PCDHGA7: variants seen among roughly 807,000 people sequenced by gnomAD.
PCDHGA7 encodes protocadherin gamma-A7.
Under a neutral mutation model 58.3 loss-of-function variants are expected in PCDHGA7, and 44 were observed. That is an observed-to-expected ratio of 0.75 (90% confidence interval 0.59 to 0.97). PCDHGA7 has a LOEUF of 0.97. PCDHGA7 is among the 50% of genes least tolerant of loss of function. PCDHGA7 has a pLI of 0.00. For missense variants in PCDHGA7, 1,266 were observed against 1,188.7 expected, an observed-to-expected ratio of 1.06 and a Z score of -0.96; for synonymous variants, 516 against 504.2, an observed-to-expected ratio of 1.02 and a Z score of -0.31.
chr5:141,408,153 C>T, intron 1 of PCDHGA7: 4 of 1,509,360 alleles, frequency 2.7e-6, no homozygotes, highest in Non-Finnish European at 3.6e-6. Context: ...CGGTAGAGTG[C>T]ACTTTCTCCA....
intron 1 of PCDHGA7, among the ~76,000 whole-genome samples, chr5:141,424,979 T>G (rs565208060): frequency 1.4e-4 from 22 of 152,322 alleles, no homozygotes; most frequent in African/African-American, 4.6e-4. Flanking sequence ...CTTGGATATT[T>G]ATGTTCCCTT....
At chr5:141,419,781 G>C (rs1331740421) in intron 1 of PCDHGA7, 1 of 1,614,032 alleles carries the variant, frequency 6.2e-7, no homozygotes. Context: ...GTCCGCCAGC[G>C]CCTGCTAGTC....
intron 1 of PCDHGA7, among the ~76,000 whole-genome samples, chr5:141,454,062 A>T (rs548960162): frequency 6.6e-6 from 1 of 152,380 alleles, no homozygotes; most frequent in East Asian, 1.9e-4. Context: ...CAAAGAAACA[A>T]AAGTGATAAT....
chr5:141,415,648 A>G (rs1403877896), intron 1 of PCDHGA7: 1 of 1,598,772 alleles, frequency 6.3e-7, no homozygotes, highest in African/African-American at 1.4e-5. Flanking sequence ...TGTTAAAAAA[A>G]AAAAGATTGG....
At chr5:141,410,041 G>A (rs763879404) in intron 1 of PCDHGA7, 2 of 1,613,228 alleles carry the variant, frequency 1.2e-6, no homozygotes, top group East Asian at 2.2e-5. Flanking sequence ...AGGCCAGTGA[G>A]CCCGGACTCT....
rs754850386 is a variant in PCDHGA7 at position 141,382,896 on chromosome 5, G to A, written c.-4G>A. On this transcript the variant is annotated 5_prime_UTR_variant, in exon 1 of 4. Transcript: ENST00000518325. ...GGCGCCTAAGCAAGAGAAGCAGGAC[G>A]ACTATGGCGGCTCAGCCGAGGGGCG... is the stretch of plus-strand genomic sequence containing the variant. 3.3e-6 allele frequency: 5 copies of A among 1,537,678 alleles called. No homozygotes were observed. The highest frequency in any genetic ancestry group is 2.1e-5 in the Admixed American group (1 of 47,152).
At chr5:141,418,894 A>G (rs200182481) in intron 1 of PCDHGA7, 2 of 1,614,004 alleles carry the variant, frequency 1.2e-6, no homozygotes, top group East Asian at 4.5e-5. Context: ...ACAACAGCCC[A>G]GAAATAATCA....
At chr5:141,413,179 G>C in intron 1 of PCDHGA7, 1 of 1,602,658 alleles carries the variant, frequency 6.2e-7, no homozygotes. Context: ...GACTACAATG[G>C]CCGCTCAAAG....
intron 1 of PCDHGA7, chr5:141,413,740 C>T (rs1274240064): frequency 5.6e-6 from 9 of 1,613,284 alleles, no homozygotes; most frequent in African/African-American, 1.3e-5. Flanking sequence ...AGTTCAGAGC[C>T]GTGCCAATGG....
At position 141,421,672 on chromosome 5, in the gene PCDHGA7, C is replaced by T; in HGVS notation, c.2424+36349C>T. On this transcript the variant is annotated intron_variant, in intron 1 of 3. Coordinates refer to ENST00000518325, the MANE Select transcript of PCDHGA7 (RefSeq NM_018920.4). Reference sequence around the variant, plus strand: ...GATAAAAGTCAGTGAGCACGCAATTCCTGGGGCGCGATTTGCTCTTCCTAA... The same window carrying T: ...GATAAAAGTCAGTGAGCACGCAATTTCTGGGGCGCGATTTGCTCTTCCTAA... 4 of 1,613,862 alleles carry T rather than the reference C, an allele frequency of 2.5e-6. No individual in the cohort carries two copies. The highest frequency in any genetic ancestry group is 1.6e-4 in the Middle Eastern group (1 of 6,062).
intron 2 of PCDHGA7, among the ~76,000 whole-genome samples, chr5:141,499,573 A>AT (rs2099792803): frequency 1.3e-5 from 2 of 152,108 alleles, no homozygotes; most frequent in Non-Finnish European, 2.9e-5. Context: ...AGCTTCAACT[A>AT]ATGCCTTATC....
chr5:141,393,412 T>A (rs1382243931), intron 1 of PCDHGA7: 3 of 1,614,032 alleles, frequency 1.9e-6, no homozygotes, highest in South Asian at 1.1e-5. Flanking sequence ...GAGCGCGCCC[T>A]GGACAGGGAG....
rs769187557 is a variant in PCDHGA7, at chr5:141,433,087, A to C, written c.2424+47764A>C. 2.5e-6 allele frequency: 4 copies of C among 1,614,206 alleles called. No homozygotes were observed. In the Admixed American group the frequency reaches 6.7e-5, roughly 27 times the overall value. On this transcript the variant is annotated intron_variant, in intron 1 of 3. Transcript: ENST00000518325. The stretch of plus-strand genomic sequence containing the variant: ...TGATCTTCCCCCAGCCCAACTATGC[A>C]GACATGCTCGTCAGCCAGGAGAGCT...
chr5:141,478,271 A>G, intron 1 of PCDHGA7: 1 of 1,614,170 alleles, frequency 6.2e-7, no homozygotes, highest in Non-Finnish European at 8.5e-7. Flanking sequence ...CAAAGTTTAC[A>G]AGTGGAAGCA....
rs771681529 is a variant in PCDHGA7 at position 141,486,617 on chromosome 5, C to T, written c.2425-8190C>T. The T allele has an allele frequency of 1.2e-6, 2 of 1,613,602 alleles. No individual in the cohort carries two copies. Among genetic ancestry groups the T allele is most frequent in the Non-Finnish European group, 1.7e-6 (2 of 1,180,036 alleles). On this transcript the variant is annotated intron_variant, in intron 1 of 3. Coordinates refer to ENST00000518325, the MANE Select transcript of PCDHGA7 (RefSeq NM_018920.4). The surrounding 1 kb of genome is among the most constrained non-coding windows in gnomAD (Gnocchi z 5.0). ...GCTTTGCTCCCTTGCAGCCTCTGAC[C>T]CAGACTCTGGCTTGAATGCGCTTAT...
chr5:141,456,426 A>G (rs2098857765), intron 1 of PCDHGA7, among the ~76,000 whole-genome samples: 1 of 152,210 alleles, frequency 6.6e-6, no homozygotes, highest in Non-Finnish European at 1.5e-5. Context: ...AATTCAAGTT[A>G]TAGTATTGAG....
intron 1 of PCDHGA7, among the ~76,000 whole-genome samples, chr5:141,454,204 T>G (rs1161344350): frequency 3.3e-5 from 5 of 152,170 alleles, no homozygotes; most frequent in Non-Finnish European, 1.5e-5. Context: ...GTGAATTTAT[T>G]GACATGAATG....
intron 1 of PCDHGA7, among the ~76,000 whole-genome samples, chr5:141,425,689 A>C (rs887583603): frequency 6.6e-6 from 1 of 152,232 alleles, no homozygotes; most frequent in African/African-American, 2.4e-5. Flanking sequence ...ACTGCATATC[A>C]TTTCATAGTG....
At chr5:141,415,740 G>GTTTTTTTTTTTTTTTTT (rs57426385) in intron 1 of PCDHGA7, 21 of 625,042 alleles carry the variant, frequency 3.4e-5, no homozygotes, top group African/African-American at 7.5e-5. Flanking sequence ...GTTTATTAAG[G>GTTTTTTTTTTTTTTTTT]TTTTTTTTTT....
Sources: gnomAD v4.1 joint callset for allele counts (sites outside exome capture counted in the v4.1 genomes callset) on GRCh38, gnomAD v4.1.1 for gene constraint, Gnocchi (gnomAD v3.1) non-coding constraint, MANE v1.5 for transcripts, NCBI Gene and HGNC (gene_info 2026-07-23, HGNC 2026-07-21) for gene names.